Variants in IL1RAPL1 observed in about 807,000 individuals in gnomAD.
The protein encoded by IL1RAPL1 is interleukin 1 receptor accessory protein like 1.
In IL1RAPL1, 3 loss-of-function variants were observed where a neutral mutation model predicts 48.4. The ratio of observed to expected loss-of-function variants is 0.06; its 90% CI spans 0.03 to 0.16. IL1RAPL1 has a LOEUF of 0.16. IL1RAPL1 is among the 10% of genes least tolerant of loss of function. The probability of loss-of-function intolerance (pLI) is 1.00; values close to 1 mark genes in which losing one functional copy is unlikely to be tolerated. For missense variants in IL1RAPL1, 349 were observed against 530.6 expected (o/e 0.66, Z 3.36); for synonymous variants, 185 against 187.7 (o/e 0.99, Z 0.12).
intron 2 of IL1RAPL1, among the ~76,000 whole-genome samples, chrX:29,221,620 T>TACACACACACACACACACACAC (rs35088625): frequency 1.3e-5 from 1 of 79,566 alleles, no homozygotes; most frequent in Admixed American, 1.4e-4. Context: ...TACACACACA[T>TACACACACACACACACACACAC]ACACACACAC....
chrX:29,186,008 C>G (rs575210267), intron 2 of IL1RAPL1, among the ~76,000 whole-genome samples: 2 of 111,829 alleles, frequency 1.8e-5, no homozygotes, highest in Admixed American at 1.9e-4. Context: ...AGTCACCCTA[C>G]TATTAGTTTG....
Position 28,774,801 on chromosome X carries a change from C to T in IL1RAPL1, c.-24-14519C>T, listed in dbSNP as rs765199784. Among the ~76,000 whole-genome samples, 16 of 111,536 alleles carry T rather than the reference C, an allele frequency of 1.4e-4. No homozygotes were observed. The East Asian group carries it at 3.7e-3, about 26-fold the overall frequency. ...ATCTCAAACTTTATCCAAAACAAAA[C>T]GACTTCCTGACTTCCCAAACTTTCT... On this transcript the variant is annotated intron_variant, in intron 1 of 10. Coordinates refer to ENST00000378993, the MANE Select transcript of IL1RAPL1 (RefSeq NM_014271.4).
chrX:29,503,112 T>G (rs946031799), intron 5 of IL1RAPL1, among the ~76,000 whole-genome samples: 6 of 112,278 alleles, frequency 5.3e-5, no homozygotes, highest in Non-Finnish European at 1.1e-4. Context: ...CTAATGATTC[T>G]TTGTATTTTT....
At chrX:28,841,333 A>G (rs946087231) in intron 2 of IL1RAPL1, among the ~76,000 whole-genome samples, 2 of 111,155 alleles carry the variant, frequency 1.8e-5, no homozygotes, top group African/African-American at 6.5e-5. Flanking sequence ...CTCAAAGACT[A>G]AACAGATACC....
intron 6 of IL1RAPL1, among the ~76,000 whole-genome samples, chrX:29,756,793 T>G (rs1928631281): frequency 8.9e-6 from 1 of 112,313 alleles, no homozygotes; most frequent in African/African-American, 3.2e-5. Context: ...CCCAGAATGT[T>G]ACTTTCTTTG....
intron 1 of IL1RAPL1, among the ~76,000 whole-genome samples, chrX:28,670,170 C>T (rs898438319): frequency 1.2e-4 from 13 of 111,517 alleles, no homozygotes; most frequent in Non-Finnish European, 2.1e-4. Context: ...GTTGGTCACC[C>T]GCTTTAAAGC....
chrX:29,441,000 C>T (rs1198749698), intron 5 of IL1RAPL1, among the ~76,000 whole-genome samples: 1 of 111,677 alleles, frequency 9.0e-6, no homozygotes, highest in Non-Finnish European at 1.9e-5. Flanking sequence ...ATGTCTGTGT[C>T]ATGATCCTCC....
Position 29,226,528 on chromosome X carries a change from G to T in IL1RAPL1, c.83-56410G>T, listed in dbSNP as rs941981992. Among the ~76,000 whole-genome samples, 15 of 105,992 alleles carry T rather than the reference G, an allele frequency of 1.4e-4. No homozygotes were observed. The Admixed American group carries it at 1.5e-3, about 11-fold the overall frequency. The allele number at this position is 105,992 out of a possible 115,157, so 92.0% of individuals were successfully genotyped here. On this transcript the variant is annotated intron_variant, in intron 2 of 10. Transcript: ENST00000378993. The stretch of plus-strand genomic sequence containing the variant: ...GCTCACTGCAACCTCCGCCTCCTGG[G>T]TTCAAGCAATTTTCCTTCCTTAGCC...
chrX:29,410,083 A>G (rs5929012), intron 5 of IL1RAPL1, among the ~76,000 whole-genome samples: 39,885 of 109,314 alleles, frequency 0.36, 6,406 homozygotes, highest in Middle Eastern at 0.56. Context: ...CGGCCTCCCA[A>G]AGTGCTGGGA....
intron 6 of IL1RAPL1, among the ~76,000 whole-genome samples, chrX:29,670,958 G>A (rs1241770038): frequency 9.0e-6 from 1 of 111,649 alleles, no homozygotes; most frequent in Non-Finnish European, 1.9e-5. Context: ...TTCCCAAATT[G>A]AGAGTTGACC....
chrX:28,788,856 C>T (rs899811817), intron 1 of IL1RAPL1, among the ~76,000 whole-genome samples: 6 of 111,211 alleles, frequency 5.4e-5, no homozygotes, highest in African/African-American at 9.8e-5. Flanking sequence ...TATAAAATCA[C>T]GATTAAATAT....
chrX:29,766,692 ATTAATATATAATAT>A (rs1569163439), intron 6 of IL1RAPL1, among the ~76,000 whole-genome samples: 3 of 62,332 alleles, frequency 4.8e-5, no homozygotes, highest in African/African-American at 1.1e-4. Context: ...TAAAGTATAT[ATTAATATATAATAT>A]ATAATATATG....
At chrX:28,965,739 C>T (rs1924903348) in intron 2 of IL1RAPL1, among the ~76,000 whole-genome samples, 1 of 111,922 alleles carries the variant, frequency 8.9e-6, no homozygotes, top group Non-Finnish European at 1.9e-5. Flanking sequence ...AATCTGTGCG[C>T]TCTTAGTGAT....
intron 2 of IL1RAPL1, among the ~76,000 whole-genome samples, chrX:28,805,459 T>C (rs1008477015): frequency 1.8e-5 from 2 of 111,531 alleles, no homozygotes; most frequent in Non-Finnish European, 3.8e-5. Context: ...ACTGTAGGGT[T>C]CTTTCAAATG....
chrX:29,307,232 C>A (rs887335766), intron 3 of IL1RAPL1, among the ~76,000 whole-genome samples: 3 of 112,019 alleles, frequency 2.7e-5, no homozygotes, highest in African/African-American at 9.7e-5. Flanking sequence ...ATATGTTTTT[C>A]TAATGTTCTT....
chrX:29,619,233 T>C (rs1031530404), intron 5 of IL1RAPL1, among the ~76,000 whole-genome samples: 3 of 111,993 alleles, frequency 2.7e-5, no homozygotes, highest in African/African-American at 9.7e-5. Context: ...CTAATCCTGA[T>C]TTTTAAAAAT....
chrX:29,429,069 A>G (rs753213368), intron 5 of IL1RAPL1, among the ~76,000 whole-genome samples: 1 of 111,607 alleles, frequency 9.0e-6, no homozygotes, highest in Non-Finnish European at 1.9e-5. Flanking sequence ...AAATTAAGTG[A>G]CTCCCCCTTT....
chrX:28,827,477 A>G (rs186658743), intron 2 of IL1RAPL1, among the ~76,000 whole-genome samples: 28 of 111,578 alleles, frequency 2.5e-4, no homozygotes, highest in Non-Finnish European at 4.5e-4. Context: ...GACTATGTAA[A>G]AGTTTTCTTC....
At chrX:29,209,565 T>A (rs755751600) in intron 2 of IL1RAPL1, among the ~76,000 whole-genome samples, 1 of 112,064 alleles carries the variant, frequency 8.9e-6, no homozygotes, top group East Asian at 2.8e-4. Flanking sequence ...GGTGCGCTTA[T>A]ACAGGCACAA....
Sources: gnomAD v4.1 joint callset for allele counts (sites outside exome capture counted in the v4.1 genomes callset) on GRCh38, gnomAD v4.1.1 for gene constraint, MANE v1.5 for transcripts, NCBI Gene and HGNC (gene_info 2026-07-23, HGNC 2026-07-21) for gene names.